The following PDE10A variants were observed in gnomAD, a reference collection of about 807,000 sequenced individuals.
PDE10A encodes the protein phosphodiesterase 10A, also known as cAMP and cAMP-inhibited cGMP 3',5'-cyclic phosphodiesterase 10A.
PDE10A carries 39 observed loss-of-function variants against 97.7 expected under a neutral mutation model. That is an observed-to-expected ratio of 0.40 (90% CI 0.31 to 0.52). The LOEUF (loss-of-function observed/expected upper bound fraction) is 0.52. Among genes scored for constraint, PDE10A ranks in the 20% least tolerant of loss-of-function variants. The pLI is 0.56. For synonymous variants in PDE10A, 371 were observed against 376.8 expected (o/e 0.98, Z 0.18); for missense variants, 731 against 1,047.8 (o/e 0.70, Z 4.17).
At chr6:165,445,986 G>A (rs751070781) in intron 5 of PDE10A, among the ~76,000 whole-genome samples, 3 of 151,882 alleles carry the variant, frequency 2.0e-5, no homozygotes, top group Non-Finnish European at 4.4e-5. Context: ...AGAGTTGGAC[G>A]AAACAAAGCC....
intron 15 of PDE10A, among the ~76,000 whole-genome samples, chr6:165,394,034 T>G (rs1245931997): frequency 6.6e-6 from 1 of 151,218 alleles, no homozygotes; most frequent in Non-Finnish European, 1.5e-5. Context: ...AAGTTGATGC[T>G]AAATTTACAC....
chr6:165,873,044 G>A (rs2453395), intron 1 of PDE10A, among the ~76,000 whole-genome samples: 107,683 of 151,598 alleles, frequency 0.71, 38,593 homozygotes, highest in East Asian at 0.93. Flanking sequence ...GATGAAAAAT[G>A]GAGACTTCCA....
chr6:165,524,772 C>A (rs145785848), intron 2 of PDE10A, among the ~76,000 whole-genome samples: 2 of 152,132 alleles, frequency 1.3e-5, no homozygotes, highest in African/African-American at 4.8e-5. Flanking sequence ...TGCACAGCCT[C>A]GCCAGGTGTC....
intron 1 of PDE10A, among the ~76,000 whole-genome samples, chr6:165,762,148 A>C (rs1413855089): frequency 6.6e-6 from 1 of 151,924 alleles, no homozygotes; most frequent in African/African-American, 2.4e-5. Context: ...ATGATTGCCT[A>C]TCCAGCAATC....
chr6:165,908,013 G>A (rs138170520), intron 1 of PDE10A, among the ~76,000 whole-genome samples: 38 of 152,354 alleles, frequency 2.5e-4, no homozygotes, highest in African/African-American at 6.3e-4. Flanking sequence ...AACAAGTGTC[G>A]TTCTGGAGTC....
intron 1 of PDE10A, among the ~76,000 whole-genome samples, chr6:165,644,212 C>T (rs773858441): frequency 7.0e-5 from 10 of 143,750 alleles, no homozygotes; most frequent in Admixed American, 2.3e-4. Flanking sequence ...CCCGCCACCA[C>T]GCCCCGCTAA....
At chr6:165,982,202 G>T (rs1391998107) in intron 1 of PDE10A, among the ~76,000 whole-genome samples, 1 of 152,120 alleles carries the variant, frequency 6.6e-6, no homozygotes, top group Non-Finnish European at 1.5e-5. Context: ...TCAAGAAATT[G>T]AAGGAACGCG....
At chr6:165,595,832 CATTA>C (rs1173026949) in intron 1 of PDE10A, among the ~76,000 whole-genome samples, 4 of 152,154 alleles carry the variant, frequency 2.6e-5, no homozygotes. Context: ...CTTATCAGAG[CATTA>C]ATTAATCCCA....
At chr6:165,348,933 C>A (rs947376688) in intron 18 of PDE10A, among the ~76,000 whole-genome samples, 1 of 152,166 alleles carries the variant, frequency 6.6e-6, no homozygotes, top group Admixed American at 6.5e-5. Context: ...AACTGTAAGT[C>A]TCCTGAGGCC....
rs570075772 is a variant in PDE10A at position 165,707,897 on chromosome 6, A to C, written c.-614-164329T>G. Among the ~76,000 whole-genome samples the C allele has an allele frequency of 3.9e-5, 6 of 152,224 alleles. No individual in the cohort carries two copies. The South Asian group carries it at 1.2e-3, about 32-fold the overall frequency. ...ATCAAGGCTGAACACAAAGGGGCAGAGTTTGCTCTTTAACCTCCTGCAGAT... is the reference window on the plus strand; with the variant it reads ...ATCAAGGCTGAACACAAAGGGGCAGCGTTTGCTCTTTAACCTCCTGCAGAT... On this transcript the variant is annotated intron_variant, in intron 1 of 19. Transcript: ENST00000366882.
At chr6:165,672,267 G>A (rs570556096) in intron 1 of PDE10A, among the ~76,000 whole-genome samples, 4 of 152,238 alleles carry the variant, frequency 2.6e-5, no homozygotes, top group South Asian at 2.1e-4. Flanking sequence ...GAATACAGAC[G>A]CTCCTCAATT....
Position 165,335,992 on chromosome 6 carries a change from G to C in PDE10A, c.3065+131C>G, listed in dbSNP as rs796373396. The C allele has an allele frequency of 1.4e-4, 103 of 754,410 alleles. 1 individual carries two copies. The African/African-American group carries it at 1.6e-3, about 12-fold the overall frequency. The allele number at this position is 754,410 out of a possible 1,614,324, so 46.7% of individuals were successfully genotyped here. The stretch of plus-strand genomic sequence containing the variant: ...GGGAAGCCAGGTAAGGAGGCCCCGA[G>C]TCCCTGAGCACAACAACTCGACATC... On this transcript the variant is annotated intron_variant, in intron 21 of 21. Transcript: ENST00000539869.
chr6:165,501,522 G>A (rs1430315784), intron 2 of PDE10A, among the ~76,000 whole-genome samples: 1 of 151,500 alleles, frequency 6.6e-6, no homozygotes, highest in Non-Finnish European at 1.5e-5. Context: ...GCAGTGAGCA[G>A]AGATCGCGCC....
chr6:165,797,123 T>G (rs1335261056), intron 1 of PDE10A, among the ~76,000 whole-genome samples: 1 of 152,202 alleles, frequency 6.6e-6, no homozygotes, highest in Non-Finnish European at 1.5e-5. Flanking sequence ...AGTGGCTTAG[T>G]CACATTCAGG....
chr6:165,781,319 T>C (rs1345338064), intron 1 of PDE10A: 1 of 152,212 alleles, frequency 6.6e-6, no homozygotes, highest in Non-Finnish European at 1.5e-5. Context: ...ATCTCAGGTA[T>C]TCTGTTACGG....
intron 2 of PDE10A, among the ~76,000 whole-genome samples, chr6:165,521,495 A>T (rs1782126646): frequency 6.6e-6 from 1 of 152,230 alleles, no homozygotes; most frequent in South Asian, 2.1e-4. Context: ...AATGCAAAGC[A>T]AAAGCTCTTC....
chr6:165,917,456 T>C (rs765088922), intron 1 of PDE10A, among the ~76,000 whole-genome samples: 38 of 151,964 alleles, frequency 2.5e-4, no homozygotes, highest in Non-Finnish European at 4.4e-4. Flanking sequence ...GATAAAATGG[T>C]GGGAAAATTG....
chr6:165,968,652 T>A (rs549787523), intron 1 of PDE10A, among the ~76,000 whole-genome samples: 71 of 152,340 alleles, frequency 4.7e-4, no homozygotes, highest in Admixed American at 2.2e-3. Flanking sequence ...TGTGTCTAAC[T>A]GGGGCTTCCT....
chr6:165,911,760 C>G (rs114759420), intron 1 of PDE10A, among the ~76,000 whole-genome samples: 76 of 152,228 alleles, frequency 5.0e-4, no homozygotes, highest in African/African-American at 1.8e-3. Flanking sequence ...CCTTCCAGGC[C>G]TACCCCCAAG....
Sources: gnomAD v4.1 joint callset for allele counts (sites outside exome capture counted in the v4.1 genomes callset) on GRCh38, gnomAD v4.1.1 for gene constraint, MANE v1.5 for transcripts, NCBI Gene and HGNC (gene_info 2026-07-23, HGNC 2026-07-21) for gene names.